The following FAM53A variants were observed in gnomAD, a reference collection of about 807,000 sequenced individuals.
FAM53A encodes family with sequence similarity 53 member A.
Under a neutral mutation model 26.6 loss-of-function variants are expected in FAM53A, and 28 were observed. The ratio of observed to expected loss-of-function variants is 1.05; its 90% CI spans 0.78 to 1.45. The LOEUF is 1.45. FAM53A is among the 40% of genes most tolerant of loss of function. The pLI, the probability that FAM53A is intolerant of heterozygous loss-of-function variation, is 0.00. For missense variants in FAM53A, 650 were observed against 575.8 expected (o/e 1.13, Z -1.32); for synonymous variants, 290 against 253.1 (o/e 1.15, Z -1.38).
At chr4:1,602,848 G>C in the FAM53A span, among the ~76,000 whole-genome samples, 6 of 152,226 alleles carry the variant, frequency 3.9e-5, no homozygotes, top group Middle Eastern at 6.8e-3. Flanking sequence ...GCCGGCTCCG[G>C]CGGGAGGGGC....
At chr4:1,611,035 A>G in the FAM53A span, among the ~76,000 whole-genome samples, 3 of 152,056 alleles carry the variant, frequency 2.0e-5, no homozygotes, top group African/African-American at 7.2e-5. Flanking sequence ...GTGGCTTTGA[A>G]CCCTGCCTGG....
At chr4:1,683,264 T>C (rs1306711937) in intron 1 of FAM53A, among the ~76,000 whole-genome samples, 1 of 152,198 alleles carries the variant, frequency 6.6e-6, no homozygotes. Context: ...CCAGCCTACC[T>C]TCAGGGTGCA....
intron 4 of FAM53A, chr4:1,644,047 T>C (rs9997029): frequency 0.24 from 270,248 of 1,123,340 alleles, 35,032 homozygotes; most frequent in Middle Eastern, 0.3. Context: ...GGCGTGGAGG[T>C]CCGGGTCTCA....
chr4:1,610,388 G>C, the FAM53A span, among the ~76,000 whole-genome samples: 2 of 152,234 alleles, frequency 1.3e-5, no homozygotes, highest in African/African-American at 2.4e-5. Context: ...AGACGGGCAA[G>C]GGGAGGGATG....
the FAM53A span, among the ~76,000 whole-genome samples, chr4:1,579,011 C>A: frequency 6.6e-6 from 1 of 150,538 alleles, no homozygotes; most frequent in African/African-American, 2.4e-5. Context: ...AGGCCCCCCA[C>A]CCCCGCAGGC....
intron 1 of FAM53A, among the ~76,000 whole-genome samples, chr4:1,674,759 T>A (rs577016502): frequency 1.3e-5 from 2 of 152,180 alleles, no homozygotes; most frequent in East Asian, 3.9e-4. Flanking sequence ...GACTTGAACA[T>A]AACCTCCTGG....
chr4:1,643,154 G>A (rs1711891920), intron 4 of FAM53A, among the ~76,000 whole-genome samples: 1 of 152,156 alleles, frequency 6.6e-6, no homozygotes, highest in South Asian at 2.1e-4. Flanking sequence ...TTTTTTCTAA[G>A]GATATTATTG....
the FAM53A span, among the ~76,000 whole-genome samples, chr4:1,591,615 G>A: frequency 2.0e-5 from 3 of 152,232 alleles, no homozygotes; most frequent in African/African-American, 4.8e-5. Flanking sequence ...GTGGACAAAG[G>A]AATAGGTAGG....
chr4:1,648,527 A>G (rs907468690), intron 4 of FAM53A, among the ~76,000 whole-genome samples: 5 of 152,138 alleles, frequency 3.3e-5, no homozygotes, highest in African/African-American at 1.2e-4. Flanking sequence ...TGGCCCCTGA[A>G]GACACTGCCT....
At chr4:1,594,394 C>G in the FAM53A span, among the ~76,000 whole-genome samples, 1 of 152,094 alleles carries the variant, frequency 6.6e-6, no homozygotes, top group Non-Finnish European at 1.5e-5. Flanking sequence ...CTCAGTTTCC[C>G]CTCATGAAAA....
chr4:1,677,910 G>A (rs1027934577), intron 1 of FAM53A, among the ~76,000 whole-genome samples: 7 of 152,062 alleles, frequency 4.6e-5, no homozygotes, highest in African/African-American at 7.2e-5. Context: ...GCACCACTGC[G>A]CCCCAGCCTG....
chr4:1,623,118 C>T lies in FAM53A; in HGVS notation c.432-5007G>A, dbSNP rs561470012. ...CACCAGCCCGGCATGCGGTCCCCCACGCTGAGCAGCAGAAAGTATGGCAGG... is the reference window on the plus strand; with the variant it reads ...CACCAGCCCGGCATGCGGTCCCCCATGCTGAGCAGCAGAAAGTATGGCAGG... On this transcript the variant is annotated intron_variant, in intron 1 of 1. Coordinates refer to the FAM53A transcript ENST00000489029. Among the ~76,000 whole-genome samples, 26 of 152,340 alleles carry T rather than the reference C, an allele frequency of 1.7e-4. 1 individual carries two copies. Among genetic ancestry groups the T allele is most frequent in the Admixed American group, 1.4e-3 (22 of 15,312 alleles).
chr4:1,665,395 G>A (rs1289497566), intron 2 of FAM53A, among the ~76,000 whole-genome samples: 1 of 151,350 alleles, frequency 6.6e-6, no homozygotes, highest in Non-Finnish European at 1.5e-5. Context: ...AGGCTGAGGC[G>A]AGAGAATCGC....
At chr4:1,598,393 C>T in the FAM53A span, among the ~76,000 whole-genome samples, 1 of 152,218 alleles carries the variant, frequency 6.6e-6, no homozygotes, top group African/African-American at 2.4e-5. Flanking sequence ...AGGACCCCCA[C>T]TCTGGTTGAG....
In FAM53A at chr4:1,641,463, G is replaced by T; in HGVS notation, c.1027C>A (p.Leu343Ile). The T allele has an allele frequency of 1.9e-6, 3 of 1,614,152 alleles. No individual in the cohort carries two copies. Among genetic ancestry groups the T allele is most frequent in the Non-Finnish European group, 2.5e-6 (3 of 1,180,008 alleles). Residue 343 changes from leucine (L) to isoleucine (I), a missense_variant, in exon 5 of 5, where the codon CTC (leucine) becomes ATC (isoleucine). Coordinates refer to ENST00000308132, the MANE Select transcript of FAM53A (RefSeq NM_001174070.3). ...ITMPGCSQRG[L>I]RTSPVHPNLW... ...TTGGGGTGGACAGGGCTGGTCCTGA[G>T]GCCCCTCTGGCTGCAGCCAGGCATG...
At chr4:1,643,224 T>C (rs904688467) in intron 4 of FAM53A, among the ~76,000 whole-genome samples, 7 of 152,126 alleles carry the variant, frequency 4.6e-5, no homozygotes, top group African/African-American at 7.2e-5. Context: ...CCCAGCACTT[T>C]GGGAGGCCGG....
intron 1 of FAM53A, among the ~76,000 whole-genome samples, chr4:1,671,087 C>T (rs878946806): frequency 2.7e-5 from 4 of 146,850 alleles, no homozygotes; most frequent in Admixed American, 2.7e-4. Context: ...AGCCACGGCC[C>T]GGACTCACCT....
the FAM53A span, among the ~76,000 whole-genome samples, chr4:1,585,516 T>G: frequency 0.014 from 2,139 of 152,134 alleles, 47 homozygotes; most frequent in African/African-American, 0.049. Context: ...ACTCCTGGCC[T>G]CAAATGATCT....
intron 2 of FAM53A, among the ~76,000 whole-genome samples, chr4:1,658,343 C>T (rs1478275102): frequency 2.0e-5 from 3 of 152,250 alleles, no homozygotes; most frequent in Non-Finnish European, 4.4e-5. Context: ...TTCCAAGCCA[C>T]AGGCATGCAT....
Sources: gnomAD v4.1 joint callset for allele counts (sites outside exome capture counted in the v4.1 genomes callset) on GRCh38, gnomAD v4.1.1 for gene constraint, MANE v1.5 for transcripts, NCBI Gene and HGNC (gene_info 2026-07-23, HGNC 2026-07-21) for gene names.